DRC11: variants seen among roughly 807,000 people sequenced by gnomAD.
The protein encoded by DRC11 is IQ and AAA domain-containing protein 1.
chr2:236,494,011 AG>A, the DRC11 span: 1 of 804,664 alleles, frequency 1.2e-6, no homozygotes, highest in East Asian at 3.1e-5. This position sits in a 1 kb window ranked among gnomAD's most constrained non-coding sequence, Gnocchi z 4.2. Context: ...TTTTCATTTA[AG>A]AAAAAAAAAA....
the DRC11 span, among the ~76,000 whole-genome samples, chr2:236,459,547 G>GTATA: frequency 8.5e-6 from 1 of 117,556 alleles, no homozygotes; most frequent in Non-Finnish European, 1.7e-5. Context: ...ATACGTATAC[G>GTATA]TATACATGTA....
At chr2:236,498,420 A>G in the DRC11 span, among the ~76,000 whole-genome samples, 1 of 151,642 alleles carries the variant, frequency 6.6e-6, no homozygotes, top group South Asian at 2.1e-4. Flanking sequence ...ACCCGAAATC[A>G]TGCCGCTGCA....
the DRC11 span, among the ~76,000 whole-genome samples, chr2:236,432,139 A>C: frequency 6.6e-6 from 1 of 152,122 alleles, no homozygotes; most frequent in Admixed American, 6.5e-5. Context: ...AAATAGCATT[A>C]CATTTCCATT....
chr2:236,322,492 C>T, the DRC11 span, among the ~76,000 whole-genome samples: 16,646 of 151,860 alleles, frequency 0.11, 2,294 homozygotes, highest in African/African-American at 0.32. Flanking sequence ...GTGATCCACC[C>T]GCCTCGGCCT....
At chr2:236,478,751 A>G in the DRC11 span, among the ~76,000 whole-genome samples, 1 of 149,596 alleles carries the variant, frequency 6.7e-6, no homozygotes, top group East Asian at 1.9e-4. This position sits in a 1 kb window ranked among gnomAD's most constrained non-coding sequence, Gnocchi z 5.9. Flanking sequence ...TTATTATATT[A>G]TCTTGCTGAA....
chr2:236,478,116 C>A, the DRC11 span, among the ~76,000 whole-genome samples: 63 of 151,660 alleles, frequency 4.2e-4, 2 homozygotes, highest in South Asian at 8.1e-3. The surrounding 1 kb of genome is among the most constrained non-coding windows in gnomAD (Gnocchi z 5.9). Flanking sequence ...CCTTGCTTTT[C>A]TAGTACCTTG....
the DRC11 span, among the ~76,000 whole-genome samples, chr2:236,503,912 A>G: frequency 5.9e-5 from 9 of 152,146 alleles, no homozygotes; most frequent in African/African-American, 2.2e-4. The surrounding 1 kb of genome is among the most constrained non-coding windows in gnomAD (Gnocchi z 4.9). Flanking sequence ...GTCAAATGAG[A>G]CAAGAGAGGC....
At chr2:236,313,014 G>A in the DRC11 span, among the ~76,000 whole-genome samples, 1 of 151,986 alleles carries the variant, frequency 6.6e-6, no homozygotes, top group Non-Finnish European at 1.5e-5. This position sits in a 1 kb window ranked among gnomAD's most constrained non-coding sequence, Gnocchi z 4.5. Flanking sequence ...TAGAAAATCT[G>A]AATAGTCTTA....
the DRC11 span, among the ~76,000 whole-genome samples, chr2:236,395,849 G>A: frequency 6.6e-6 from 1 of 152,066 alleles, no homozygotes; most frequent in Non-Finnish European, 1.5e-5. Flanking sequence ...TGTTAGTAAC[G>A]GGAAGCTACT....
the DRC11 span, among the ~76,000 whole-genome samples, chr2:236,452,516 C>A: frequency 6.6e-6 from 1 of 152,214 alleles, no homozygotes; most frequent in East Asian, 1.9e-4. The surrounding 1 kb of genome is among the most constrained non-coding windows in gnomAD (Gnocchi z 4.7). Flanking sequence ...TGCACAGAAG[C>A]CTCCAAAGGT....
the DRC11 span, chr2:236,497,539 A>G: frequency 3.6e-6 from 5 of 1,370,590 alleles, no homozygotes; most frequent in Non-Finnish European, 5.0e-6. The surrounding 1 kb of genome is among the most constrained non-coding windows in gnomAD (Gnocchi z 5.1). Flanking sequence ...ATCACTTGGT[A>G]AAACATAAAC....
the DRC11 span, among the ~76,000 whole-genome samples, chr2:236,384,333 CCTGA>C: frequency 6.6e-6 from 1 of 152,038 alleles, no homozygotes; most frequent in Non-Finnish European, 1.5e-5. Context: ...CCTGTTGTTG[CCTGA>C]CTTTTTAATG....
the DRC11 span, among the ~76,000 whole-genome samples, chr2:236,479,126 G>A: frequency 1.3e-5 from 2 of 152,104 alleles, no homozygotes; most frequent in South Asian, 2.1e-4. The surrounding 1 kb of genome is among the most constrained non-coding windows in gnomAD (Gnocchi z 4.1). Context: ...CACCTGGCCA[G>A]TTTGTAGTCT....
At chr2:236,344,851 G>T in the DRC11 span, among the ~76,000 whole-genome samples, 1 of 149,562 alleles carries the variant, frequency 6.7e-6, no homozygotes, top group Non-Finnish European at 1.5e-5. Context: ...CCTCTCAGGT[G>T]TGCAGAGCCC....
the DRC11 span, among the ~76,000 whole-genome samples, chr2:236,461,700 C>T: frequency 7.3e-4 from 111 of 152,284 alleles, no homozygotes; most frequent in Middle Eastern, 0.01. The surrounding 1 kb of genome is among the most constrained non-coding windows in gnomAD (Gnocchi z 4.0). Context: ...TTCACAACTC[C>T]ATGAAACAGG....
chr2:236,341,489 G>A, the DRC11 span, among the ~76,000 whole-genome samples: 22 of 152,322 alleles, frequency 1.4e-4, no homozygotes, highest in African/African-American at 5.1e-4. Flanking sequence ...CTAGAGGTGT[G>A]AGGGGTTCTT....
the DRC11 span, among the ~76,000 whole-genome samples, chr2:236,417,717 C>T: frequency 2.0e-5 from 3 of 152,068 alleles, no homozygotes; most frequent in East Asian, 5.8e-4. Context: ...TCCTAATGCT[C>T]TCTCTCCCCT....
At chr2:236,461,046 G>A in the DRC11 span, among the ~76,000 whole-genome samples, 7 of 152,142 alleles carry the variant, frequency 4.6e-5, no homozygotes, top group Non-Finnish European at 7.3e-5. This position sits in a 1 kb window ranked among gnomAD's most constrained non-coding sequence, Gnocchi z 4.0. Flanking sequence ...GTCAGCCACC[G>A]TGCCTGGACT....
the DRC11 span, among the ~76,000 whole-genome samples, chr2:236,439,451 T>G: frequency 6.6e-6 from 1 of 152,214 alleles, no homozygotes; most frequent in Non-Finnish European, 1.5e-5. Flanking sequence ...CTTCATAGAA[T>G]AATAAAAAGA....
Sources: gnomAD v4.1 joint callset for allele counts (sites outside exome capture counted in the v4.1 genomes callset) on GRCh38, gnomAD v4.1.1 for gene constraint, Gnocchi (gnomAD v3.1) non-coding constraint, MANE v1.5 for transcripts, NCBI Gene and HGNC (gene_info 2026-07-23, HGNC 2026-07-21) for gene names.